Variants in ATP10D observed in about 807,000 individuals in gnomAD.
ATP10D encodes phospholipid-transporting ATPase VD.
In ATP10D, 89 loss-of-function variants were observed where a neutral mutation model predicts 144.8. The ratio of observed to expected loss-of-function variants is 0.61; its 90% CI spans 0.52 to 0.73. The LOEUF (loss-of-function observed/expected upper bound fraction) is 0.73. ATP10D is among the 30% of genes least tolerant of loss of function. The pLI is 0.00. For missense variants in ATP10D, 1,603 were observed against 1,714.8 expected, an observed-to-expected ratio of 0.93 and a Z score of 1.15; for synonymous variants, 571 against 615.1, an observed-to-expected ratio of 0.93 and a Z score of 1.06.
chr4:47,566,613 A>G (rs1719651220), intron 15 of ATP10D, among the ~76,000 whole-genome samples: 1 of 152,126 alleles, frequency 6.6e-6, no homozygotes, highest in African/African-American at 2.4e-5. Context: ...CCATTACAGT[A>G]TATTTTCTAA....
chr4:47,578,116 G>T (rs1720328632), intron 19 of ATP10D, among the ~76,000 whole-genome samples: 1 of 152,168 alleles, frequency 6.6e-6, no homozygotes, highest in Non-Finnish European at 1.5e-5. Context: ...GAGCTGGCCA[G>T]TTATATAAAA....
chr4:47,582,763 C>T (rs1720587664), intron 21 of ATP10D: 1 of 152,132 alleles, frequency 6.6e-6, no homozygotes, highest in African/African-American at 2.4e-5. Context: ...TAATTTCCCC[C>T]AACAGCCTTT....
chr4:47,546,189 A>C (rs1376402070), intron 9 of ATP10D, among the ~76,000 whole-genome samples: 2 of 152,218 alleles, frequency 1.3e-5, no homozygotes, highest in African/African-American at 4.8e-5. Context: ...TGACAACAGC[A>C]ATGTCAGTGG....
At chr4:47,524,805 T>C (rs560583653) in intron 4 of ATP10D, among the ~76,000 whole-genome samples, 1 of 152,222 alleles carries the variant, frequency 6.6e-6, no homozygotes, top group South Asian at 2.1e-4. Flanking sequence ...TTTTAGTGCG[T>C]CGAAAGAACT....
At chr4:47,550,799 A>C (rs1718693405) in intron 10 of ATP10D, among the ~76,000 whole-genome samples, 1 of 152,224 alleles carries the variant, frequency 6.6e-6, no homozygotes, top group South Asian at 2.1e-4. Context: ...GGAGCACAGC[A>C]GACACCCTGC....
intron 10 of ATP10D, among the ~76,000 whole-genome samples, chr4:47,552,471 T>A (rs9790720): frequency 0.23 from 34,446 of 152,094 alleles, 3,961 homozygotes; most frequent in East Asian, 0.29. Flanking sequence ...CTTTACTGTG[T>A]CTTCATATGG....
At chr4:47,544,107 G>A (rs1444240249) in intron 9 of ATP10D, among the ~76,000 whole-genome samples, 1 of 152,166 alleles carries the variant, frequency 6.6e-6, no homozygotes, top group Non-Finnish European at 1.5e-5. Flanking sequence ...GGGCTGTGGA[G>A]TTTAATAGAA....
intron 3 of ATP10D, among the ~76,000 whole-genome samples, 195 bp downstream of exon 3, chr4:47,515,865 T>C (rs1716650870): frequency 6.6e-6 from 1 of 152,208 alleles, no homozygotes; most frequent in African/African-American, 2.4e-5. Flanking sequence ...CAAAAACGTA[T>C]AAGCCATTGT....
At chr4:47,511,990 T>C (rs1716358463) in intron 1 of ATP10D, among the ~76,000 whole-genome samples, 1 of 152,230 alleles carries the variant, frequency 6.6e-6, no homozygotes, top group African/African-American at 2.4e-5. Context: ...ACACCACAGG[T>C]AGAGAAAGAC....
chr4:47,575,704 C>G (rs1194611432), intron 18 of ATP10D, among the ~76,000 whole-genome samples: 1 of 152,142 alleles, frequency 6.6e-6, no homozygotes, highest in African/African-American at 2.4e-5. Flanking sequence ...TTCTTAGTCT[C>G]TCTGTGCCTC....
rs1179603674 is a variant in ATP10D at position 47,515,582 on chromosome 4, A to G, written c.397A>G (p.Ile133Val). Residue 133 changes from isoleucine to valine, a missense_variant, in exon 3 of 23, where the codon ATT becomes GTT. Ile to Val is a conservative substitution (Grantham distance 29). Coordinates refer to ENST00000273859, the MANE Select transcript of ATP10D (RefSeq NM_020453.4). The part of the protein sequence containing the change: ...TMLPLVVVLT[I>V]IAIKDGLEDY... ...GTTGCCTCTGGTGGTGGTCCTTACA[A>G]TTATCGCAATTAAAGATGGCCTGGA... is the stretch of plus-strand genomic sequence containing the variant. 17 of 1,613,298 alleles carry G rather than the reference A, an allele frequency of 1.1e-5. No individual in the cohort carries two copies. Among genetic ancestry groups the G allele is most frequent in the Non-Finnish European group, 1.4e-5 (17 of 1,179,270 alleles).
In ATP10D at chr4:47,515,503, A is replaced by G. The variant is rs1383042774; in HGVS notation, c.318A>G (p.Leu106=). The part of the protein sequence containing the change: ...HRAANLYFLF[L]VVLNWVPLVE... ...CTGCCAATTTATATTTCCTGTTCCT[A>G]GTTGTCCTGAACTGGGTACCTTTGG... Residue 106 remains leucine, a synonymous_variant, in exon 3 of 23, where the codon CTA becomes CTG. Transcript: ENST00000273859. 1.2e-6 allele frequency: 2 copies of G among 1,613,158 alleles called. No individual in the cohort carries two copies. Among genetic ancestry groups the G allele is most frequent in the Non-Finnish European group, 1.7e-6 (2 of 1,179,524 alleles).
At chr4:47,536,261 AAGAG>A (rs111273743) in intron 7 of ATP10D, among the ~76,000 whole-genome samples, 172 bp from the exon 8 acceptor site, 3,148 of 150,182 alleles carry the variant, frequency 0.021, 54 homozygotes, top group Non-Finnish European at 0.028. Context: ...GACTTAAAGA[AAGAG>A]AGAGAGAGAG....
intron 1 of ATP10D, among the ~76,000 whole-genome samples, chr4:47,500,269 G>T (rs1715614848): frequency 6.6e-6 from 1 of 152,210 alleles, no homozygotes; most frequent in Admixed American, 6.5e-5. Flanking sequence ...TGCATTGTTA[G>T]AAAGTGACAT....
At position 47,492,141 on chromosome 4, in the gene ATP10D, C is replaced by T. The variant is rs201801574; in HGVS notation, c.-38+6622C>T. 1.6e-4 allele frequency among the ~76,000 whole-genome samples: 24 copies of T among 152,226 alleles called. No homozygotes were observed. In the East Asian group the frequency reaches 1.9e-3, roughly 12 times the overall value. On this transcript the variant is annotated intron_variant, in intron 1 of 22. Coordinates refer to ENST00000273859, the MANE Select transcript of ATP10D (RefSeq NM_020453.4). ...GTTGAAAGATTGAAATTACTGAGCA[C>T]CTTCAGTGTGTTAGGCACAGTGCAT...
intron 9 of ATP10D, among the ~76,000 whole-genome samples, chr4:47,540,664 T>C (rs1718090465): frequency 6.6e-6 from 1 of 152,228 alleles, no homozygotes; most frequent in Admixed American, 6.5e-5. Flanking sequence ...ATTAGTCATA[T>C]GATATATTTG....
rs371648994 is a variant in ATP10D at position 47,568,800 on chromosome 4, C to T, written c.2854-37C>T. 492 of 1,565,248 alleles carry T rather than the reference C, an allele frequency of 3.1e-4. 1 individual carries two copies. The highest frequency in any genetic ancestry group is 1.2e-3 in the Middle Eastern group (7 of 5,846). On this transcript the variant is annotated intron_variant, in intron 15 of 22. Coordinates refer to ENST00000273859, the MANE Select transcript of ATP10D (RefSeq NM_020453.4). Reference sequence around the variant, plus strand: ...ATGTAACTGGTTCTGACACCAAGGGCGCCTGGAGGCTAACCACCTTTGCCT... The same window carrying T: ...ATGTAACTGGTTCTGACACCAAGGGTGCCTGGAGGCTAACCACCTTTGCCT...
At chr4:47,490,021 A>G (rs1714990173) in intron 1 of ATP10D, among the ~76,000 whole-genome samples, 1 of 152,198 alleles carries the variant, frequency 6.6e-6, no homozygotes, top group African/African-American at 2.4e-5. Context: ...AGGTAATACA[A>G]ATCATAATTT....
chr4:47,516,185 G>A (rs780964465), intron 3 of ATP10D, among the ~76,000 whole-genome samples: 24 of 151,214 alleles, frequency 1.6e-4, no homozygotes, highest in African/African-American at 3.2e-4. Flanking sequence ...AGCCGAGATC[G>A]CACCACTGCA....
Sources: gnomAD v4.1 joint callset for allele counts (sites outside exome capture counted in the v4.1 genomes callset) on GRCh38, gnomAD v4.1.1 for gene constraint, MANE v1.5 for transcripts, NCBI Gene and HGNC (gene_info 2026-07-23, HGNC 2026-07-21) for gene names.